Variants in CFAP52 observed in about 807,000 individuals in gnomAD.
The protein encoded by CFAP52 is cilia and flagella associated protein 52.
CFAP52 carries 57 observed loss-of-function variants against 70.5 expected under a neutral mutation model. That is an observed-to-expected ratio of 0.81 (90% CI 0.65 to 1.01). CFAP52 has a LOEUF of 1.01. CFAP52 is among the 50% of genes least tolerant of loss of function. The pLI is 0.00. For missense variants in CFAP52, 785 were observed against 788.5 expected, an observed-to-expected ratio of 1.00 and a Z score of 0.05; for synonymous variants, 267 against 292.5, an observed-to-expected ratio of 0.91 and a Z score of 0.89.
chr17:9,632,456 T>A (rs1310404605), intron 9 of CFAP52, among the ~76,000 whole-genome samples: 16 of 152,050 alleles, frequency 1.1e-4, no homozygotes. Flanking sequence ...GCCACACTGA[T>A]CCCTGCATAA....
intron 7 of CFAP52, among the ~76,000 whole-genome samples, chr17:9,609,295 A>G (rs1909628426): frequency 6.6e-6 from 1 of 152,232 alleles, no homozygotes; most frequent in Non-Finnish European, 1.5e-5. Context: ...GGAAAAGGCA[A>G]TAAATAAGAA....
chr17:9,614,812 CA>C (rs1191740771), intron 8 of CFAP52, among the ~76,000 whole-genome samples: 2 of 152,078 alleles, frequency 1.3e-5, no homozygotes, highest in Non-Finnish European at 2.9e-5. Flanking sequence ...TTATGACGAC[CA>C]AAAAATGTCC....
rs1377626636 is a variant in CFAP52 at position 9,598,358 on chromosome 17, T to C, written c.636+25T>C. 2.5e-6 allele frequency: 4 copies of C among 1,584,132 alleles called. No individual in the cohort carries two copies. In the South Asian group the frequency reaches 3.4e-5, roughly 13 times the overall value. On this transcript the variant is annotated intron_variant, in intron 5 of 13. Transcript: ENST00000352665. ...AGTAAGTATTAATTTAAGTATTAAGTAACAATTAGCACACGTTCCTGTTAG... is the reference window on the plus strand; with the variant it reads ...AGTAAGTATTAATTTAAGTATTAAGCAACAATTAGCACACGTTCCTGTTAG...
intron 6 of CFAP52, among the ~76,000 whole-genome samples, chr17:9,605,694 G>GAAAAAA (rs56157011): frequency 2.5e-4 from 14 of 56,968 alleles, no homozygotes; most frequent in African/African-American, 6.5e-4. Flanking sequence ...GACTCCATCT[G>GAAAAAA]AAAAAAAAAA....
At chr17:9,630,990 A>AAAAGAAAGAAAG (rs1183878434) in intron 9 of CFAP52, among the ~76,000 whole-genome samples, 7 of 97,580 alleles carry the variant, frequency 7.2e-5, no homozygotes, top group African/African-American at 2.1e-4. Context: ...CATCTCAAAA[A>AAAAGAAAGAAAG]AAAGAAAGAA....
chr17:9,635,663 T>A, intron 11 of CFAP52, 107 bp downstream of exon 11: 1 of 1,425,412 alleles, frequency 7.0e-7, no homozygotes, highest in Non-Finnish European at 9.6e-7. Flanking sequence ...AAATCTTATT[T>A]AAGGCAACAC....
rs1444512464 is a variant in CFAP52, at chr17:9,643,023, G to A, written c.1688G>A (p.Gly563Asp). 2 of 1,595,460 alleles carry A rather than the reference G, an allele frequency of 1.3e-6. No homozygotes were observed. Among genetic ancestry groups the A allele is most frequent in the Non-Finnish European group, 1.7e-6 (2 of 1,170,960 alleles). Residue 563 changes from glycine to aspartate, a missense_variant and splice_region_variant, in exon 14 of 14, where the codon GGT (glycine) becomes GAT (aspartate). Physicochemically the swap from Gly to Asp is moderately conservative, Grantham distance 94. Transcript: ENST00000352665. ...CCATATACGTGTTTATCTTTTTCAG[G>A]TGGAAATGACCATCTGGTCAAAGTT... ...ITQEGVHFVTGGNDHLVKVWD... is the reference protein window; with the variant it reads ...ITQEGVHFVTDGNDHLVKVWD...
chr17:9,636,866 G>A (rs1338248591), intron 11 of CFAP52, among the ~76,000 whole-genome samples: 1 of 152,140 alleles, frequency 6.6e-6, no homozygotes, highest in Non-Finnish European at 1.5e-5. Flanking sequence ...CCAACATGGT[G>A]AAAGCCCGTC....
rs766313738 is a variant in CFAP52 at position 9,586,080 on chromosome 17, C to CCTT, written c.270+118_270+120dup. ...CTATGTGGCAATGTGCTTTATTCTT[C>CCTT]CTTCTTCTTCTTTTTGACTTCTCTT... On this transcript the variant is annotated intron_variant, in intron 2 of 13. Transcript: ENST00000352665. 2.3e-5 allele frequency: 26 copies of CCTT among 1,132,006 alleles called. 1 individual carries two copies. In the East Asian group the frequency reaches 3.7e-4, roughly 16 times the overall value. 70.1% of individuals were successfully genotyped at this position (1,132,006 alleles called of 1,614,324 possible).
chr17:9,635,082 A>G (rs1444683225), intron 10 of CFAP52, among the ~76,000 whole-genome samples: 1 of 152,164 alleles, frequency 6.6e-6, no homozygotes, highest in Admixed American at 6.5e-5. Flanking sequence ...AAGTGAATAG[A>G]CATTATTTCA....
In CFAP52 at chr17:9,594,634, C is replaced by A. The variant is rs1597772158; in HGVS notation, c.536+313C>A. 1.5e-5 allele frequency: 3 copies of A among 195,710 alleles called. No individual in the cohort carries two copies. In the East Asian group the frequency reaches 4.2e-4, roughly 28 times the overall value. The allele number at this position is 195,710 out of a possible 1,614,324, so 12.1% of individuals were successfully genotyped here. ...CAATTTGCACAATTGCACAGATTCACCTACTGACTGATGTTTCTTCCCACC... is the reference window on the plus strand; with the variant it reads ...CAATTTGCACAATTGCACAGATTCAACTACTGACTGATGTTTCTTCCCACC... On this transcript the variant is annotated intron_variant, in intron 4 of 13. Transcript: ENST00000352665.
At chr17:9,587,305 T>C (rs1210645897) in intron 3 of CFAP52, among the ~76,000 whole-genome samples, 2 of 152,230 alleles carry the variant, frequency 1.3e-5, no homozygotes, top group Non-Finnish European at 1.5e-5. Flanking sequence ...GTCTTTGCTA[T>C]TGTGAATAGT....
At chr17:9,590,139 G>A (rs529825623) in intron 3 of CFAP52, 2 of 200,688 alleles carry the variant, frequency 1.0e-5, no homozygotes, top group South Asian at 2.2e-4. Context: ...GATACGTGTG[G>A]TGATCAATCT....
At chr17:9,586,575 A>C in intron 2 of CFAP52, 123 bp from the exon 3 acceptor site, 1 of 1,329,224 alleles carries the variant, frequency 7.5e-7, no homozygotes, top group Non-Finnish European at 9.9e-7. Context: ...CAACAAAAAA[A>C]AAAAAAAAAA....
At chr17:9,577,108 C>T (rs988079312) in intron 1 of CFAP52, among the ~76,000 whole-genome samples, 1 of 152,152 alleles carries the variant, frequency 6.6e-6, no homozygotes, top group Non-Finnish European at 1.5e-5. Flanking sequence ...GCTCTGAACC[C>T]CACGCCGCTC....
At chr17:9,645,485 C>T, downstream of CFAP52, 5 of 775,850 alleles carry the variant, frequency 6.4e-6, no homozygotes, top group Non-Finnish European at 3.3e-6. This position sits in a 1 kb window ranked among gnomAD's most constrained non-coding sequence, Gnocchi z 6.8. Flanking sequence ...GGGGCTGCCC[C>T]GCCCTTGGCT....
At chr17:9,598,463 T>C (rs1423874055) in intron 5 of CFAP52, 130 bp downstream of exon 5, 6 of 668,492 alleles carry the variant, frequency 9.0e-6, no homozygotes, top group East Asian at 2.9e-5. Context: ...GGGATGTTGA[T>C]TGAAGAAGCT....
rs138755738 is a variant in CFAP52, at chr17:9,594,200, G to A, written c.415G>A (p.Val139Met). ...LGGPDDGSVV[V>M]WSIAKRDAIC... ...TCCCTCTTATTTTGGCAGTGTGGTGGTGTGGAGCATAGCCAAGAGAGATGC... is the reference window on the plus strand; with the variant it reads ...TCCCTCTTATTTTGGCAGTGTGGTGATGTGGAGCATAGCCAAGAGAGATGC... Residue 139 changes from valine (V) to methionine (M), a missense_variant, in exon 4 of 14, where the codon GTG becomes ATG. Physicochemically the swap from Val to Met is conservative, Grantham distance 21. Transcript: ENST00000352665. The A allele has an allele frequency of 1.4e-4, 222 of 1,608,674 alleles. No individual in the cohort carries two copies. The highest frequency in any genetic ancestry group is 2.9e-5 in the Non-Finnish European group (34 of 1,177,542).
chr17:9,629,474 C>CCTTTCTTTCTTT (rs71995451), intron 9 of CFAP52, among the ~76,000 whole-genome samples: 1 of 148,752 alleles, frequency 6.7e-6, no homozygotes, highest in African/African-American at 2.5e-5. Context: ...TCTTTCTTTC[C>CCTTTCTTTCTTT]CTTTCTTTCT....
Sources: gnomAD v4.1 joint callset for allele counts (sites outside exome capture counted in the v4.1 genomes callset) on GRCh38, gnomAD v4.1.1 for gene constraint, Gnocchi (gnomAD v3.1) non-coding constraint, MANE v1.5 for transcripts, NCBI Gene and HGNC (gene_info 2026-07-23, HGNC 2026-07-21) for gene names.